The following SNTG1 variants were observed in gnomAD, a reference collection of about 807,000 sequenced individuals.
The protein encoded by SNTG1 is gamma-1-syntrophin.
In SNTG1, 39 loss-of-function variants were observed where a neutral mutation model predicts 74.7. That is an observed-to-expected ratio of 0.52 (90% CI 0.40 to 0.68). The LOEUF (loss-of-function observed/expected upper bound fraction) is 0.68. Among genes scored for constraint, SNTG1 ranks in the 30% least tolerant of loss-of-function variants. SNTG1 has a pLI of 0.00. For missense variants in SNTG1, 685 were observed against 609.5 expected (o/e 1.12, Z -1.30); for synonymous variants, 254 against 217.1 (o/e 1.17, Z -1.49).
chr8:50,600,204 T>C (rs573316465), intron 13 of SNTG1, among the ~76,000 whole-genome samples: 52 of 152,250 alleles, frequency 3.4e-4, no homozygotes, highest in Non-Finnish European at 1.9e-4. Context: ...GCGTTGACAG[T>C]ATTTTGTTGA....
chr8:50,301,551 T>C (rs892613974), intron 2 of SNTG1, among the ~76,000 whole-genome samples: 1 of 152,166 alleles, frequency 6.6e-6, no homozygotes, highest in African/African-American at 2.4e-5. Context: ...AGTCTTTGTC[T>C]AGTAAGTTCA....
At chr8:50,449,641 G>C in intron 5 of SNTG1, 27 bp from the exon 6 acceptor site, 1 of 1,557,076 alleles carries the variant, frequency 6.4e-7, no homozygotes, top group Non-Finnish European at 8.7e-7. Context: ...AGATTAAAAA[G>C]TACAATATAT....
intron 17 of SNTG1, among the ~76,000 whole-genome samples, chr8:50,726,899 G>A (rs997552520): frequency 1.3e-5 from 2 of 151,952 alleles, no homozygotes; most frequent in African/African-American, 4.8e-5. Flanking sequence ...ATAAAATTGA[G>A]CAAGGCTAAA....
intron 9 of SNTG1, among the ~76,000 whole-genome samples, chr8:50,527,995 T>C (rs1383616457): frequency 1.3e-5 from 2 of 152,006 alleles, no homozygotes; most frequent in African/African-American, 2.4e-5. Flanking sequence ...AATTTAATTT[T>C]ATATATTAAC....
chr8:50,106,118 T>C (rs1389828156), intron 1 of SNTG1, among the ~76,000 whole-genome samples: 4 of 152,108 alleles, frequency 2.6e-5, no homozygotes, highest in Admixed American at 2.0e-4. Flanking sequence ...GGTTAATCTA[T>C]GAAGAAAAGA....
In SNTG1 at chr8:50,252,025, A is replaced by C. The variant is rs575977132; in HGVS notation, c.-28+79390A>C. On this transcript the variant is annotated intron_variant, in intron 2 of 18. Coordinates refer to ENST00000642720, the MANE Select transcript of SNTG1 (RefSeq NM_018967.5). ...AATATCAAGTATCTTTTATGACCAC[A>C]GAAGTATAAAACTAGAAATTAACAA... Among the ~76,000 whole-genome samples the C allele has an allele frequency of 2.3e-3, 348 of 152,294 alleles. 2 individuals carry two copies. The highest frequency in any genetic ancestry group is 7.8e-3 in the African/African-American group (323 of 41,580).
intron 15 of SNTG1, among the ~76,000 whole-genome samples, chr8:50,673,660 C>A (rs7841003): frequency 2.0e-5 from 3 of 152,044 alleles, no homozygotes; most frequent in Non-Finnish European, 4.4e-5. Flanking sequence ...TATCTGAATA[C>A]GCTTTATTTC....
chr8:50,034,466 A>T, intron 1 of SNTG1, among the ~76,000 whole-genome samples: 1 of 152,202 alleles, frequency 6.6e-6, no homozygotes, highest in East Asian at 1.9e-4. Flanking sequence ...GCATTTAAAA[A>T]TCAAAGCTAA....
intron 1 of SNTG1, among the ~76,000 whole-genome samples, chr8:50,016,136 A>G (rs568150452): frequency 4.3e-4 from 65 of 152,192 alleles, no homozygotes; most frequent in African/African-American, 1.5e-3. Context: ...AACAGTGACC[A>G]TGATCTTCTT....
At chr8:50,436,233 A>G (rs1407578732) in intron 4 of SNTG1, among the ~76,000 whole-genome samples, 1 of 152,208 alleles carries the variant, frequency 6.6e-6, no homozygotes, top group African/African-American at 2.4e-5. Flanking sequence ...TTTACAGAAA[A>G]GGAAAAAAGA....
intron 9 of SNTG1, among the ~76,000 whole-genome samples, chr8:50,515,107 T>C (rs1469787064): frequency 2.0e-5 from 3 of 152,188 alleles, no homozygotes; most frequent in Non-Finnish European, 4.4e-5. Context: ...GTGCTCATCA[T>C]TAAATATAAA....
chr8:50,634,951 A>G (rs1332504852), intron 13 of SNTG1, among the ~76,000 whole-genome samples: 1 of 152,174 alleles, frequency 6.6e-6, no homozygotes. Context: ...TGGTATTGAC[A>G]GCCGCAGTCT....
intron 2 of SNTG1, among the ~76,000 whole-genome samples, chr8:50,364,815 A>T (rs1041601386): frequency 2.0e-5 from 3 of 152,088 alleles, no homozygotes; most frequent in Non-Finnish European, 4.4e-5. Flanking sequence ...TATTGCAGTA[A>T]TCATTTAAAT....
chr8:50,601,152 CAAAAAAAAAAAAA>C (rs71235311), intron 13 of SNTG1, among the ~76,000 whole-genome samples: 39 of 31,436 alleles, frequency 1.2e-3, no homozygotes, highest in South Asian at 4.3e-3. Context: ...GCCAGCGAGA[CAAAAAAAAAAAAA>C]AAAAAAAAAA....
chr8:50,129,126 T>C (rs1272310175), intron 1 of SNTG1, among the ~76,000 whole-genome samples: 6 of 152,234 alleles, frequency 3.9e-5, no homozygotes, highest in East Asian at 1.9e-4. Flanking sequence ...GCAACAAATA[T>C]TTACTGAGTG....
intron 2 of SNTG1, among the ~76,000 whole-genome samples, chr8:50,284,195 T>C (rs1219362892): frequency 6.6e-6 from 1 of 152,150 alleles, no homozygotes; most frequent in Non-Finnish European, 1.5e-5. Context: ...GTTTTTCTTA[T>C]GAATAGATAA....
intron 15 of SNTG1, among the ~76,000 whole-genome samples, chr8:50,689,677 G>A (rs1352726803): frequency 6.6e-6 from 1 of 152,084 alleles, no homozygotes; most frequent in African/African-American, 2.4e-5. Context: ...TTTTTGCATT[G>A]ATGTTCATCA....
chr8:50,677,269 G>GA (rs1196309466), intron 15 of SNTG1, among the ~76,000 whole-genome samples: 1 of 151,824 alleles, frequency 6.6e-6, no homozygotes, highest in Non-Finnish European at 1.5e-5. Flanking sequence ...TCTATATTAG[G>GA]AAAATCTACC....
At chr8:50,539,345 C>G (rs1168622967) in intron 11 of SNTG1, among the ~76,000 whole-genome samples, 2 of 152,074 alleles carry the variant, frequency 1.3e-5, no homozygotes, top group Non-Finnish European at 2.9e-5. Context: ...CAGGCAATCT[C>G]TTTGTTGTGA....
Sources: allele counts gnomAD v4.1 joint callset (sites outside exome capture counted in the v4.1 genomes callset), GRCh38; gene constraint gnomAD v4.1.1; transcripts MANE v1.5; gene names NCBI Gene and HGNC (gene_info 2026-07-23, HGNC 2026-07-21).